Variants in ERC2 observed in about 807,000 individuals in gnomAD.
ERC2 encodes ELKS/RAB6-interacting/CAST family member 2.
In ERC2, 42 loss-of-function variants were observed where a neutral mutation model predicts 114.8. The ratio of observed to expected loss-of-function variants is 0.37; its 90% CI spans 0.29 to 0.47. The LOEUF (loss-of-function observed/expected upper bound fraction) is 0.47. ERC2 is among the 20% of genes least tolerant of loss of function. The probability of loss-of-function intolerance (pLI) is 0.99; values close to 1 mark genes in which losing one functional copy is unlikely to be tolerated. For missense variants in ERC2, 939 were observed against 1,150.7 expected, an observed-to-expected ratio of 0.82 and a Z score of 2.66; for synonymous variants, 454 against 425.5, an observed-to-expected ratio of 1.07 and a Z score of -0.82.
chr3:55,648,894 G>A (rs954693876), intron 17 of ERC2, among the ~76,000 whole-genome samples: 1 of 152,138 alleles, frequency 6.6e-6, no homozygotes, highest in Non-Finnish European at 1.5e-5. Flanking sequence ...GGGAGCGGCA[G>A]AGAGAGGGTA....
intron 3 of ERC2, among the ~76,000 whole-genome samples, chr3:56,178,822 A>G (rs547914983): frequency 1.3e-5 from 2 of 152,262 alleles, no homozygotes; most frequent in African/African-American, 4.8e-5. Context: ...CCACATCGTT[A>G]TAAATGTTAT....
At chr3:55,997,709 G>T (rs1162993642) in intron 10 of ERC2, among the ~76,000 whole-genome samples, 1 of 149,796 alleles carries the variant, frequency 6.7e-6, no homozygotes, top group Non-Finnish European at 1.5e-5. Context: ...TAGTTAAGCT[G>T]CAGAAAGGTT....
At chr3:56,161,819 A>T (rs2082063197) in intron 4 of ERC2, among the ~76,000 whole-genome samples, 1 of 152,192 alleles carries the variant, frequency 6.6e-6, no homozygotes, top group African/African-American at 2.4e-5. Context: ...GTATAGAATC[A>T]TACCGTCAGT....
chr3:56,051,331 AC>A (rs762961059), intron 7 of ERC2, among the ~76,000 whole-genome samples: 1 of 152,226 alleles, frequency 6.6e-6, no homozygotes, highest in Non-Finnish European at 1.5e-5. Flanking sequence ...GCAGGGGATT[AC>A]ATGATAAGCC....
chr3:56,217,414 A>G (rs28766049), intron 3 of ERC2, among the ~76,000 whole-genome samples: 6,658 of 152,312 alleles, frequency 0.044, 203 homozygotes, highest in African/African-American at 0.082. Context: ...AATAATACCT[A>G]GGAATCCAAC....
At chr3:55,669,615 TG>T (rs2061481039) in intron 17 of ERC2, among the ~76,000 whole-genome samples, 1 of 152,244 alleles carries the variant, frequency 6.6e-6, no homozygotes, top group African/African-American at 2.4e-5. Context: ...AGCTTCTTCA[TG>T]TACCTAATTC....
chr3:56,378,571 TA>T (rs11316031), intron 2 of ERC2, among the ~76,000 whole-genome samples: 47,374 of 133,866 alleles, frequency 0.35, 7,838 homozygotes, highest in Admixed American at 0.47. Context: ...TAAAGTATAA[TA>T]AAAAAAAAAA....
chr3:56,449,657 T>C (rs1020577607), intron 1 of ERC2, among the ~76,000 whole-genome samples: 2 of 152,234 alleles, frequency 1.3e-5, no homozygotes, highest in African/African-American at 4.8e-5. Context: ...GGATACGCAA[T>C]CTTGAACAAA....
intron 3 of ERC2, among the ~76,000 whole-genome samples, chr3:56,219,931 C>T (rs2049786007): frequency 6.6e-6 from 1 of 152,156 alleles, no homozygotes; most frequent in Admixed American, 6.5e-5. Context: ...TACCATTGCC[C>T]ACACGTGGCT....
intron 2 of ERC2, among the ~76,000 whole-genome samples, chr3:56,410,452 C>T (rs188840937): frequency 3.3e-5 from 5 of 152,298 alleles, no homozygotes; most frequent in Admixed American, 3.3e-4. Flanking sequence ...TTACTATGTG[C>T]CAAATGACGT....
At chr3:56,230,914 G>A (rs1361410958) in intron 3 of ERC2, among the ~76,000 whole-genome samples, 5 of 152,194 alleles carry the variant, frequency 3.3e-5, no homozygotes, top group Non-Finnish European at 7.3e-5. Flanking sequence ...TTTCACCCAA[G>A]TGATAAGAAA....
intron 3 of ERC2, among the ~76,000 whole-genome samples, chr3:56,272,771 T>C: frequency 6.6e-6 from 1 of 151,900 alleles, no homozygotes; most frequent in East Asian, 1.9e-4. Flanking sequence ...GTCTCAATAA[T>C]AAAAAACAAA....
intron 3 of ERC2, among the ~76,000 whole-genome samples, chr3:56,264,921 T>C (rs2150274907): frequency 6.6e-6 from 1 of 150,994 alleles, no homozygotes. Context: ...GTCTGTACAC[T>C]GAAACTATAA....
chr3:55,968,605 T>C (rs1446541848), intron 12 of ERC2, among the ~76,000 whole-genome samples: 2 of 152,114 alleles, frequency 1.3e-5, no homozygotes, highest in Non-Finnish European at 2.9e-5. Flanking sequence ...AAACTAACAA[T>C]GGGAAGCTAC....
rs180754130 is a variant in ERC2 at position 56,345,911 on chromosome 3, T to C, written c.658-49476A>G. Among the ~76,000 whole-genome samples, 13 of 152,358 alleles carry C rather than the reference T, an allele frequency of 8.5e-5. No homozygotes were observed. In the East Asian group the frequency reaches 2.5e-3, roughly 29 times the overall value. On this transcript the variant is annotated intron_variant, in intron 2 of 17. Transcript: ENST00000288221. ...CTGTGTTACTTCATACCCCACCTGT[T>C]GGCTGTGCCAGACCAAGGGGAGAAG... is the stretch of plus-strand genomic sequence containing the variant.
chr3:56,241,920 T>C (rs1333855604), intron 3 of ERC2, among the ~76,000 whole-genome samples: 1 of 152,246 alleles, frequency 6.6e-6, no homozygotes, highest in African/African-American at 2.4e-5. Flanking sequence ...CTTGTTTATG[T>C]ATTTTCTATG....
At chr3:55,652,198 A>AG (rs1314031102) in intron 17 of ERC2, among the ~76,000 whole-genome samples, 1 of 152,196 alleles carries the variant, frequency 6.6e-6, no homozygotes, top group African/African-American at 2.4e-5. Context: ...CTCGTTGTAA[A>AG]GGGCAGTGCA....
At chr3:55,930,884 C>T (rs1173228704) in intron 13 of ERC2, among the ~76,000 whole-genome samples, 1 of 152,010 alleles carries the variant, frequency 6.6e-6, no homozygotes, top group Admixed American at 6.5e-5. Flanking sequence ...CCAGAATCTA[C>T]AAAGAACTTA....
chr3:55,954,440 C>G (rs774032272), intron 12 of ERC2, among the ~76,000 whole-genome samples: 6 of 152,130 alleles, frequency 3.9e-5, no homozygotes, highest in Admixed American at 3.9e-4. Flanking sequence ...CTGTCAAATT[C>G]TAAGAATAAA....
Sources: allele counts gnomAD v4.1 joint callset (sites outside exome capture counted in the v4.1 genomes callset), GRCh38; gene constraint gnomAD v4.1.1; transcripts MANE v1.5; gene names NCBI Gene and HGNC (gene_info 2026-07-23, HGNC 2026-07-21).